PPP1R9A: variants seen among roughly 807,000 people sequenced by gnomAD.
PPP1R9A encodes neurabin-1.
PPP1R9A carries 59 observed loss-of-function variants against 141.9 expected under a neutral mutation model. The observed-to-expected ratio is 0.42, with a 90% CI of 0.34 to 0.52. The LOEUF (loss-of-function observed/expected upper bound fraction) is 0.52. Among genes scored for constraint, PPP1R9A ranks in the 20% least tolerant of loss-of-function variants. The pLI is 0.10. For synonymous variants in PPP1R9A, 500 were observed against 569.7 expected (o/e 0.88, Z 1.74); for missense variants, 1,444 against 1,611.9 (o/e 0.90, Z 1.78).
intron 2 of PPP1R9A, among the ~76,000 whole-genome samples, chr7:95,003,795 A>G (rs1050229325): frequency 3.3e-5 from 5 of 152,178 alleles, no homozygotes; most frequent in Non-Finnish European, 7.4e-5. Flanking sequence ...AGGTAATTCT[A>G]ATGTGTAGTC....
chr7:95,194,785 T>C (rs1427656440), intron 5 of PPP1R9A, among the ~76,000 whole-genome samples: 1 of 151,128 alleles, frequency 6.6e-6, no homozygotes, highest in African/African-American at 2.4e-5. Flanking sequence ...ACCTATATAC[T>C]GAAAACCATA....
rs114043445 is a variant in PPP1R9A, at chr7:95,175,889, A to G, written c.1754+13918A>G. Among the ~76,000 whole-genome samples the G allele has an allele frequency of 8.8e-3, 1,335 of 152,238 alleles. 16 individuals are homozygous for G. Among genetic ancestry groups the G allele is most frequent in the African/African-American group, 0.031 (1,281 of 41,546 alleles). ...AATAATTAATCTGAGGGTCTTAAAT[A>G]TTTATCTTTTTTGGAAAAGGTTAAA... On this transcript the variant is annotated intron_variant, in intron 5 of 19. Transcript: ENST00000433360.
At chr7:95,198,092 T>C (rs1334199296) in intron 5 of PPP1R9A, among the ~76,000 whole-genome samples, 10 of 152,208 alleles carry the variant, frequency 6.6e-5, no homozygotes. Flanking sequence ...GTATATTACA[T>C]CTTCTCTTAA....
At chr7:95,181,418 A>G (rs1001512479) in intron 5 of PPP1R9A, among the ~76,000 whole-genome samples, 9 of 130,008 alleles carry the variant, frequency 6.9e-5, no homozygotes, top group Non-Finnish European at 1.4e-4. Flanking sequence ...TCATATATAT[A>G]GAATATAGAG....
At chr7:95,280,409 G>T (rs2153071221) in intron 16 of PPP1R9A, among the ~76,000 whole-genome samples, 1 of 152,256 alleles carries the variant, frequency 6.6e-6, no homozygotes, top group East Asian at 1.9e-4. Flanking sequence ...AAGTTAGAAT[G>T]ACAACAACAA....
intron 2 of PPP1R9A, among the ~76,000 whole-genome samples, chr7:95,107,705 T>A (rs1819750806): frequency 6.6e-6 from 1 of 152,184 alleles, no homozygotes; most frequent in African/African-American, 2.4e-5. Flanking sequence ...CGAAGTTTTA[T>A]TATGTGTTTT....
intron 2 of PPP1R9A, chr7:95,035,841 T>G (rs765558517): frequency 2.0e-5 from 3 of 152,224 alleles, no homozygotes; most frequent in Non-Finnish European, 4.4e-5. Flanking sequence ...TTTCTTCTTC[T>G]TATTTTCTGT....
At chr7:94,974,753 A>G (rs1316495215) in intron 2 of PPP1R9A, among the ~76,000 whole-genome samples, 4 of 152,218 alleles carry the variant, frequency 2.6e-5, no homozygotes, top group East Asian at 1.9e-4. Context: ...AGCATTTTCA[A>G]TCACTAAAGT....
rs74376198 is a variant in PPP1R9A, at chr7:95,062,084, C to A, written c.1396-49175C>A. ...TGTTTCTGTTCTTATTTTCCTTTGG[C>A]AATTGTGTAGATGTTGAAGATGGTG... On this transcript the variant is annotated intron_variant, in intron 2 of 19. Transcript: ENST00000433360. Among the ~76,000 whole-genome samples the A allele has an allele frequency of 3.4e-3, 520 of 152,200 alleles. 32 individuals carry two copies. The East Asian group carries it at 0.09, about 26-fold the overall frequency.
chr7:95,204,950 C>T (rs536628766), intron 7 of PPP1R9A, among the ~76,000 whole-genome samples: 16 of 148,266 alleles, frequency 1.1e-4, no homozygotes, highest in African/African-American at 1.7e-4. Context: ...TACCCACACA[C>T]GACACGCACA....
intron 5 of PPP1R9A, among the ~76,000 whole-genome samples, chr7:95,177,269 A>G (rs544884684): frequency 7.6e-4 from 115 of 152,282 alleles, no homozygotes; most frequent in African/African-American, 2.4e-3. Flanking sequence ...AGTGAAACTA[A>G]GCATCAAATA....
chr7:95,166,265 C>T (rs1329531447), intron 5 of PPP1R9A, among the ~76,000 whole-genome samples: 1 of 151,696 alleles, frequency 6.6e-6, no homozygotes, highest in Non-Finnish European at 1.5e-5. Context: ...TTGACTGGGA[C>T]ATTTAACTCA....
chr7:95,001,858 C>T (rs1802973423), intron 2 of PPP1R9A, among the ~76,000 whole-genome samples: 1 of 151,658 alleles, frequency 6.6e-6, no homozygotes, highest in African/African-American at 2.4e-5. Flanking sequence ...AACAAACAAA[C>T]AAAAAAAACA....
At chr7:95,055,071 ACTGACTGTCCTTCC>A (rs973695395) in intron 2 of PPP1R9A, among the ~76,000 whole-genome samples, 2 of 152,192 alleles carry the variant, frequency 1.3e-5, no homozygotes, top group African/African-American at 4.8e-5. Context: ...TTAAGCATTC[ACTGACTGTCCTTCC>A]CTCCTTGATA....
At chr7:95,094,677 T>G (rs1817785972) in intron 2 of PPP1R9A, among the ~76,000 whole-genome samples, 1 of 151,826 alleles carries the variant, frequency 6.6e-6, no homozygotes, top group Non-Finnish European at 1.5e-5. Context: ...GTCAGGAGTT[T>G]GAGACCAGCC....
intron 2 of PPP1R9A, among the ~76,000 whole-genome samples, chr7:95,080,675 C>G (rs1455488915): frequency 1.3e-5 from 2 of 152,178 alleles, no homozygotes; most frequent in African/African-American, 4.8e-5. Flanking sequence ...CATCACGCTA[C>G]CTGACTTCAA....
chr7:95,177,056 C>A (rs1340467618), intron 5 of PPP1R9A, among the ~76,000 whole-genome samples: 1 of 152,030 alleles, frequency 6.6e-6, no homozygotes, highest in African/African-American at 2.4e-5. Context: ...ATCACCCAGG[C>A]GCATTGTCAT....
intron 2 of PPP1R9A, among the ~76,000 whole-genome samples, chr7:95,093,459 G>A (rs533481747): frequency 1.1e-4 from 16 of 152,132 alleles, no homozygotes; most frequent in African/African-American, 3.4e-4. Flanking sequence ...ATCCACAACA[G>A]TAAAGCTAAT....
chr7:95,203,816 T>C, intron 7 of PPP1R9A, 86 bp downstream of exon 7: 1 of 978,070 alleles, frequency 1.0e-6, no homozygotes, highest in African/African-American at 1.6e-5. Flanking sequence ...TTATTAACTA[T>C]CTGTATGTTC....
Sources: allele counts gnomAD v4.1 joint callset (sites outside exome capture counted in the v4.1 genomes callset), GRCh38; gene constraint gnomAD v4.1.1; transcripts MANE v1.5; gene names NCBI Gene and HGNC (gene_info 2026-07-23, HGNC 2026-07-21).